Variants in LSAMP observed in about 807,000 individuals in gnomAD.
The protein encoded by LSAMP is limbic system-associated membrane protein.
LSAMP carries 7 observed loss-of-function variants against 38.6 expected under a neutral mutation model. The observed-to-expected ratio is 0.18, with a 90% CI of 0.10 to 0.34. The LOEUF (loss-of-function observed/expected upper bound fraction) is 0.34. Among genes scored for constraint, LSAMP ranks in the 10% least tolerant of loss-of-function variants. The probability of loss-of-function intolerance (pLI) is 1.00; values close to 1 mark genes in which losing one functional copy is unlikely to be tolerated. For synonymous variants in LSAMP, 154 were observed against 166.8 expected (o/e 0.92, Z 0.59); for missense variants, 313 against 420.0 (o/e 0.75, Z 2.23).
chr3:116,376,390 T>C (rs1019149734), intron 1 of LSAMP, among the ~76,000 whole-genome samples: 15 of 152,020 alleles, frequency 9.9e-5, no homozygotes, highest in Admixed American at 6.6e-5. Flanking sequence ...TCACAGGCCA[T>C]ACCAATGCTT....
At chr3:116,273,013 A>T (rs2046994566) in intron 1 of LSAMP, among the ~76,000 whole-genome samples, 1 of 152,116 alleles carries the variant, frequency 6.6e-6, no homozygotes, top group Admixed American at 6.6e-5. Flanking sequence ...TGGTGTTATT[A>T]AGTGTTGTCA....
chr3:116,391,393 T>A (rs1231920399), intron 1 of LSAMP, among the ~76,000 whole-genome samples: 1 of 152,112 alleles, frequency 6.6e-6, no homozygotes, highest in Non-Finnish European at 1.5e-5. Flanking sequence ...CCTCTGCTGC[T>A]CCAGACCCTG....
chr3:115,838,536 T>A (rs1559844150), intron 6 of LSAMP, among the ~76,000 whole-genome samples: 1 of 152,334 alleles, frequency 6.6e-6, no homozygotes, highest in East Asian at 1.9e-4. Context: ...ATTGGATTAA[T>A]GTATTCAAAA....
intron 1 of LSAMP, among the ~76,000 whole-genome samples, chr3:116,106,038 A>G (rs1056544157): frequency 7.2e-5 from 11 of 152,194 alleles, no homozygotes; most frequent in African/African-American, 2.4e-4. Flanking sequence ...ATGATTGGTG[A>G]TGGCCTGGAT....
At chr3:116,108,998 C>T (rs1264316845) in intron 1 of LSAMP, among the ~76,000 whole-genome samples, 5 of 152,152 alleles carry the variant, frequency 3.3e-5, no homozygotes, top group African/African-American at 9.6e-5. Flanking sequence ...TATTTAATGT[C>T]GGGAGCAGAT....
chr3:116,268,754 C>G (rs2046929629), intron 1 of LSAMP, among the ~76,000 whole-genome samples: 1 of 151,530 alleles, frequency 6.6e-6, no homozygotes, highest in African/African-American at 2.4e-5. Flanking sequence ...ATTTGTTGCT[C>G]ATTTGTTGCT....
At chr3:115,849,068 G>T (rs1206365738) in intron 4 of LSAMP, among the ~76,000 whole-genome samples, 1 of 152,150 alleles carries the variant, frequency 6.6e-6, no homozygotes, top group East Asian at 1.9e-4. Context: ...AAAGAACAGA[G>T]TGTCCCTAGG....
chr3:116,354,230 G>A (rs773023916), intron 1 of LSAMP, among the ~76,000 whole-genome samples: 6 of 152,030 alleles, frequency 3.9e-5, no homozygotes, highest in Non-Finnish European at 8.8e-5. Context: ...ATATACCCTC[G>A]GTTCTTTCCA....
rs565707455 is a variant in LSAMP at position 116,122,460 on chromosome 3, T to G, written c.156-35904A>C. 9.1e-4 allele frequency among the ~76,000 whole-genome samples: 138 copies of G among 152,336 alleles called. 1 individual carries two copies. In the South Asian group the frequency reaches 0.012, roughly 13 times the overall value. ...TCAAAAGGTCTTTCCTGACCCCCTG[T>G]CTGAAGAAGAGACCCCATCACTCTA... On this transcript the variant is annotated intron_variant, in intron 1 of 6. Transcript: ENST00000490035.
intron 3 of LSAMP, among the ~76,000 whole-genome samples, chr3:115,887,615 A>T (rs985335486): frequency 6.6e-6 from 1 of 151,960 alleles, no homozygotes; most frequent in Non-Finnish European, 1.5e-5. Context: ...GGGTACAGAG[A>T]TAAGATGTGG....
intron 1 of LSAMP, among the ~76,000 whole-genome samples, chr3:116,200,061 C>T (rs962646464): frequency 6.7e-6 from 1 of 149,514 alleles, no homozygotes; most frequent in Non-Finnish European, 1.5e-5. Flanking sequence ...GAGAAAGGTA[C>T]CTTACAGTTT....
intron 1 of LSAMP, among the ~76,000 whole-genome samples, chr3:116,302,874 A>G (rs866424008): frequency 6.6e-5 from 10 of 152,210 alleles, no homozygotes; most frequent in Admixed American, 5.9e-4. Flanking sequence ...CCATTAGGAT[A>G]TACAAAATAG....
At chr3:116,102,470 G>T (rs886272348) in intron 1 of LSAMP, among the ~76,000 whole-genome samples, 44 of 152,180 alleles carry the variant, frequency 2.9e-4, no homozygotes, top group African/African-American at 1.1e-3. Flanking sequence ...GTCTGTGAGG[G>T]TGTTTCTGGA....
At chr3:116,194,306 G>A (rs534354099) in intron 1 of LSAMP, among the ~76,000 whole-genome samples, 3 of 152,262 alleles carry the variant, frequency 2.0e-5, no homozygotes, top group East Asian at 1.9e-4. Context: ...ACCGAAAAAA[G>A]CCATAATCCT....
At chr3:116,444,784 TCAGACACACACACACACACACACACAAA>T in intron 1 of LSAMP, 65 bp downstream of exon 1, 1 of 1,446,232 alleles carries the variant, frequency 6.9e-7, no homozygotes, top group Admixed American at 2.0e-5. Flanking sequence ...TTCAAGGAGA[TCAGACACACACACACACACACACACAAA>T]CACACACACA....
intron 2 of LSAMP, among the ~76,000 whole-genome samples, chr3:116,025,617 T>A (rs1401975454): frequency 6.6e-6 from 1 of 152,170 alleles, no homozygotes; most frequent in African/African-American, 2.4e-5. Context: ...AATTTATTTC[T>A]GGTATGAGAA....
intron 1 of LSAMP, among the ~76,000 whole-genome samples, chr3:116,333,383 G>T (rs189487851): frequency 6.6e-6 from 1 of 151,686 alleles, no homozygotes; most frequent in African/African-American, 2.4e-5. Flanking sequence ...TACTAAAAAT[G>T]CAAAAATTAG....
chr3:116,099,180 ACT>A (rs1457243613), intron 1 of LSAMP, among the ~76,000 whole-genome samples: 1 of 152,174 alleles, frequency 6.6e-6, no homozygotes, highest in African/African-American at 2.4e-5. Context: ...TGAAGGTCAC[ACT>A]CTGAATTCTA....
At chr3:116,169,124 G>A (rs747097576) in intron 1 of LSAMP, among the ~76,000 whole-genome samples, 1 of 152,144 alleles carries the variant, frequency 6.6e-6, no homozygotes, top group Non-Finnish European at 1.5e-5. Flanking sequence ...AGGATCCCTT[G>A]AGCCCAGGAG....
Sources: gnomAD v4.1 joint callset for allele counts (sites outside exome capture counted in the v4.1 genomes callset) on GRCh38, gnomAD v4.1.1 for gene constraint, MANE v1.5 for transcripts, NCBI Gene and HGNC (gene_info 2026-07-23, HGNC 2026-07-21) for gene names.